The following FAM135B variants were observed in gnomAD, a reference collection of about 807,000 sequenced individuals.
The protein encoded by FAM135B is protein FAM135B.
A neutral mutation model predicts 127.7 loss-of-function variants in FAM135B; 43 were observed. The ratio of observed to expected loss-of-function variants is 0.34; its 90% CI spans 0.26 to 0.43. The LOEUF is 0.43. Among genes scored for constraint, FAM135B ranks in the 20% least tolerant of loss-of-function variants. The pLI, the probability that FAM135B is intolerant of heterozygous loss-of-function variation, is 1.00. For missense variants in FAM135B, 1,558 were observed against 1,725.6 expected (o/e 0.90, Z 1.72); for synonymous variants, 670 against 665.1 (o/e 1.01, Z -0.11).
chr8:138,326,554 GA>G (rs80071843), intron 2 of FAM135B, among the ~76,000 whole-genome samples: 3,434 of 152,176 alleles, frequency 0.023, 58 homozygotes, highest in East Asian at 0.12. Flanking sequence ...TCTGCAGAGA[GA>G]ATTTTTCTGA....
At chr8:138,178,251 G>GA (rs112388247) in intron 10 of FAM135B, among the ~76,000 whole-genome samples, 117 of 132,006 alleles carry the variant, frequency 8.9e-4, no homozygotes, top group East Asian at 9.4e-4. Context: ...CCATCTCAAA[G>GA]AAAAAAAAAA....
chr8:138,394,562 G>T (rs897106664), intron 1 of FAM135B, among the ~76,000 whole-genome samples: 3 of 152,188 alleles, frequency 2.0e-5, no homozygotes, highest in Non-Finnish European at 2.9e-5. Context: ...CTCGAAGAGC[G>T]CTTTAGACCA....
chr8:138,448,315 C>T (rs999372812), intron 1 of FAM135B, among the ~76,000 whole-genome samples: 1 of 152,000 alleles, frequency 6.6e-6, no homozygotes, highest in Non-Finnish European at 1.5e-5. Flanking sequence ...ATTGCCCTCC[C>T]TAATGTAAGT....
chr8:138,279,913 A>G (rs916048467), intron 3 of FAM135B, among the ~76,000 whole-genome samples: 2 of 152,186 alleles, frequency 1.3e-5, no homozygotes, highest in African/African-American at 4.8e-5. Context: ...TGAGCACTTG[A>G]GTGTTAGTCT....
intron 1 of FAM135B, among the ~76,000 whole-genome samples, chr8:138,471,536 A>G (rs1048882786): frequency 9.2e-5 from 14 of 152,170 alleles, no homozygotes; most frequent in African/African-American, 3.1e-4. Flanking sequence ...ACAGATGGAC[A>G]AAAGTACCAT....
intron 8 of FAM135B, among the ~76,000 whole-genome samples, chr8:138,196,478 G>A: frequency 6.6e-6 from 1 of 152,166 alleles, no homozygotes; most frequent in East Asian, 1.9e-4. Flanking sequence ...GTGTGGCAGG[G>A]ATCTGAGGGG....
chr8:138,369,245 A>C (rs1003112367), intron 1 of FAM135B, among the ~76,000 whole-genome samples: 3 of 152,102 alleles, frequency 2.0e-5, no homozygotes, highest in Admixed American at 2.0e-4. Flanking sequence ...GAAGGAGGAG[A>C]GGGGAAAGGA....
At chr8:138,406,318 T>A (rs1833487417) in intron 1 of FAM135B, among the ~76,000 whole-genome samples, 1 of 152,190 alleles carries the variant, frequency 6.6e-6, no homozygotes, top group Non-Finnish European at 1.5e-5. Flanking sequence ...ACAGCTGAAT[T>A]CTACCAGAGG....
chr8:138,450,462 C>T (rs2131584926), intron 1 of FAM135B: 1 of 152,302 alleles, frequency 6.6e-6, no homozygotes, highest in South Asian at 2.1e-4. Flanking sequence ...GCATTCCCAC[C>T]AGCAACAAAT....
At chr8:138,330,461 C>T (rs116662216) in intron 2 of FAM135B, among the ~76,000 whole-genome samples, 1,978 of 152,290 alleles carry the variant, frequency 0.013, 37 homozygotes, top group African/African-American at 0.041. Flanking sequence ...CTTGCTGAAA[C>T]TTTTCTTGCT....
At chr8:138,388,508 A>T (rs1157653821) in intron 1 of FAM135B, among the ~76,000 whole-genome samples, 1 of 152,230 alleles carries the variant, frequency 6.6e-6, no homozygotes, top group African/African-American at 2.4e-5. Context: ...CTTCAGTGGG[A>T]GAATGAATAA....
chr8:138,217,276 T>C (rs1818619092), intron 7 of FAM135B, among the ~76,000 whole-genome samples: 1 of 152,194 alleles, frequency 6.6e-6, no homozygotes, highest in Admixed American at 6.6e-5. Context: ...GATAGTCATA[T>C]CTAGACAACA....
chr8:138,376,334 C>T (rs890965906), intron 1 of FAM135B, among the ~76,000 whole-genome samples: 1 of 152,120 alleles, frequency 6.6e-6, no homozygotes, highest in Non-Finnish European at 1.5e-5. Flanking sequence ...TTCTTATCTC[C>T]GCCTCCAAAG....
Position 138,152,610 on chromosome 8 carries a change from A to G in FAM135B, c.1865T>C (p.Ile622Thr). 2 of 1,614,134 alleles carry G rather than the reference A, an allele frequency of 1.2e-6. No homozygotes were observed. The highest frequency in any genetic ancestry group is 1.3e-5 in the African/African-American group (1 of 75,044). Residue 622 changes from isoleucine to threonine, a missense_variant, in exon 13 of 20, where the codon ATA (isoleucine) becomes ACA (threonine). Coordinates refer to ENST00000395297, the MANE Select transcript of FAM135B (RefSeq NM_015912.4). ...CAGCACCATCTTCCCCTCTTGATCT[A>G]TTCCCTTTCCTAGAGTACTTAATTC... ...LHELSTLGKG[I>T]DQEGKMVLLS...
Position 138,497,093 on chromosome 8 carries a change from G to A in FAM135B, c.-442C>T, listed in dbSNP as rs1252945773. On this transcript the variant is annotated 5_prime_UTR_variant, in exon 1 of 20. Coordinates refer to ENST00000395297, the MANE Select transcript of FAM135B (RefSeq NM_015912.4). Reference sequence around the variant, plus strand: ...CCGCGCCGCTGGGCTGGCGCCTCCCGGGCTGCGCTCACCTCTGGCGCCCTC... The same window carrying A: ...CCGCGCCGCTGGGCTGGCGCCTCCCAGGCTGCGCTCACCTCTGGCGCCCTC... Among the ~76,000 whole-genome samples the A allele has an allele frequency of 6.6e-6, 1 of 151,628 alleles. No individual in the cohort carries two copies. The highest frequency in any genetic ancestry group is 1.5e-5 in the Non-Finnish European group (1 of 67,852).
intron 1 of FAM135B, among the ~76,000 whole-genome samples, chr8:138,455,017 C>G (rs1383048870): frequency 1.3e-5 from 2 of 152,176 alleles, no homozygotes; most frequent in African/African-American, 2.4e-5. Flanking sequence ...ATTAGGGAAC[C>G]TAGCTGAAAT....
chr8:138,198,811 A>G (rs568022974), intron 7 of FAM135B, among the ~76,000 whole-genome samples: 6 of 72,428 alleles, frequency 8.3e-5, no homozygotes, highest in South Asian at 5.8e-4. Flanking sequence ...GGATGTCCTG[A>G]GGTGAATTTC....
At position 138,152,605 on chromosome 8, in the gene FAM135B, G is replaced by A. The variant is rs2130775477; in HGVS notation, c.1870C>T (p.Gln624Ter). The A allele has an allele frequency of 6.2e-7, 1 of 1,614,158 alleles. No individual in the cohort carries two copies. The change falls in exon 13 of 20, where the codon CAA (glutamine) becomes TAA (stop). Residue 624 changes from glutamine (Q) to a stop codon, truncating the protein, a stop_gained. Transcript: ENST00000395297. LOFTEE classifies it high-confidence loss of function. ...CTTAGCAGCACCATCTTCCCCTCTTGATCTATTCCCTTTCCTAGAGTACTT... is the reference window on the plus strand; with the variant it reads ...CTTAGCAGCACCATCTTCCCCTCTTAATCTATTCCCTTTCCTAGAGTACTT... ...ELSTLGKGID[Q>*]EGKMVLLSLK... is the part of the protein sequence containing the mutation.
At chr8:138,286,790 G>C (rs895818692) in intron 3 of FAM135B, among the ~76,000 whole-genome samples, 3 of 152,200 alleles carry the variant, frequency 2.0e-5, no homozygotes, top group Admixed American at 2.0e-4. Context: ...TCAGCAGGGA[G>C]CCTCGGGAGG....
Sources: gnomAD v4.1 joint callset for allele counts (sites outside exome capture counted in the v4.1 genomes callset) on GRCh38, gnomAD v4.1.1 for gene constraint, MANE v1.5 for transcripts, NCBI Gene and HGNC (gene_info 2026-07-23, HGNC 2026-07-21) for gene names.